TNC: variants seen among roughly 807,000 people sequenced by gnomAD.
TNC encodes the protein tenascin C.
In TNC, 109 loss-of-function variants were observed where a neutral mutation model predicts 202.4. The ratio of observed to expected loss-of-function variants is 0.54; its 90% CI spans 0.46 to 0.63. TNC has a LOEUF of 0.63. Ranked by LOEUF, TNC falls within the 30% of genes least tolerant of loss-of-function variation. The pLI, the probability that TNC is intolerant of heterozygous loss-of-function variation, is 0.00. For missense variants in TNC, 2,756 were observed against 2,833.3 expected (o/e 0.97, Z 0.62); for synonymous variants, 1,007 against 1,089.7 (o/e 0.92, Z 1.50).
chr9:115,057,373 G>A lies in TNC; in HGVS notation c.4359C>T (p.Ser1453=). 6.2e-7 allele frequency: 1 copy of A among 1,613,836 alleles called. No homozygotes were observed. The highest frequency in any genetic ancestry group is 2.2e-5 in the East Asian group (1 of 44,886). The part of the protein sequence containing the change: ...NLNVSDITPE[S]FNLSWMATDG... ...CGGTAGCCATCCAGGAGAGATTGAAGCTCTCGGGAGTTATGTCAGAAACAT... is the reference window on the plus strand; with the variant it reads ...CGGTAGCCATCCAGGAGAGATTGAAACTCTCGGGAGTTATGTCAGAAACAT... Residue 1453 remains serine, a synonymous_variant, in exon 15 of 28, where the codon AGC becomes AGT. Coordinates refer to ENST00000350763, the MANE Select transcript of TNC (RefSeq NM_002160.4).
At chr9:115,049,183 A>G (rs1376702291) in intron 15 of TNC, among the ~76,000 whole-genome samples, 1 of 152,252 alleles carries the variant, frequency 6.6e-6, no homozygotes, top group Non-Finnish European at 1.5e-5. Flanking sequence ...AAACAAGAAC[A>G]CATCTGGGTC....
intron 10 of TNC, among the ~76,000 whole-genome samples, chr9:115,069,451 G>T (rs1159138453): frequency 6.6e-6 from 1 of 151,806 alleles, no homozygotes; most frequent in African/African-American, 2.4e-5. Flanking sequence ...GGAAGGAGAG[G>T]GGAGGAGAAT....
intron 17 of TNC, among the ~76,000 whole-genome samples, chr9:115,045,541 A>ATTTTTTT (rs61415443): frequency 8.2e-5 from 9 of 110,114 alleles, no homozygotes; most frequent in East Asian, 2.7e-4. Context: ...TAAGTTTTTG[A>ATTTTTTT]TTTTTTTTTT....
At chr9:115,051,361 C>T (rs1831638067) in intron 15 of TNC, among the ~76,000 whole-genome samples, 1 of 152,128 alleles carries the variant, frequency 6.6e-6, no homozygotes, top group Non-Finnish European at 1.5e-5. Flanking sequence ...CTAGGTCATA[C>T]ATCTGCTAGG....
At chr9:115,065,180 G>A (rs1464824104) in intron 10 of TNC, among the ~76,000 whole-genome samples, 2 of 152,150 alleles carry the variant, frequency 1.3e-5, no homozygotes, top group African/African-American at 4.8e-5. Flanking sequence ...TGGATCATTT[G>A]AGGTCAGGGG....
rs761991765 is a variant in TNC at position 115,109,648 on chromosome 9, C to A, written c.-137+8334G>T. Among the ~76,000 whole-genome samples the A allele has an allele frequency of 5.3e-5, 8 of 152,314 alleles. No homozygotes were observed. In the South Asian group the frequency reaches 1.2e-3, roughly 24 times the overall value. ...AGCCTCAAATCCCCAGACAGGACTCCTCTGTCCTTGGTACTGGTTTTTCCA... is the reference window on the plus strand; with the variant it reads ...AGCCTCAAATCCCCAGACAGGACTCATCTGTCCTTGGTACTGGTTTTTCCA... On this transcript the variant is annotated intron_variant, in intron 1 of 27. Transcript: ENST00000350763.
Position 115,077,932 on chromosome 9 carries a change from A to C in TNC, c.2674+11T>G. 6.2e-7 allele frequency: 1 copy of C among 1,610,736 alleles called. No individual in the cohort carries two copies. Among genetic ancestry groups the C allele is most frequent in the Non-Finnish European group, 8.5e-7 (1 of 1,177,520 alleles). On this transcript the variant is annotated intron_variant, in intron 7 of 27. Transcript: ENST00000350763. ...CTTTACTATATCTGTTAACAGGGGG[A>C]GGCCTTTTACCTGTTGTGAAGGTCT... is the stretch of plus-strand genomic sequence containing the variant.
chr9:115,060,744 G>A lies in TNC; in HGVS notation c.4034-742C>T, dbSNP rs61554142. 8.0e-3 allele frequency among the ~76,000 whole-genome samples: 1,217 copies of A among 152,240 alleles called. 14 individuals carry two copies. The highest frequency in any genetic ancestry group is 0.028 in the African/African-American group (1,149 of 41,534). On this transcript the variant is annotated intron_variant, in intron 13 of 27. Coordinates refer to ENST00000350763, the MANE Select transcript of TNC (RefSeq NM_002160.4). ...TGCTGTCTCAGGTGTGAACAAGTATGATGTTTTTTCTTTGGTCTTCTATCA... is the reference window on the plus strand; with the variant it reads ...TGCTGTCTCAGGTGTGAACAAGTATAATGTTTTTTCTTTGGTCTTCTATCA...
intron 2 of TNC, among the ~76,000 whole-genome samples, chr9:115,089,700 A>G (rs1835069566): frequency 6.6e-6 from 1 of 152,148 alleles, no homozygotes; most frequent in African/African-American, 2.4e-5. Flanking sequence ...GGGTTTCACC[A>G]TGTTGGCCAG....
rs201449416 is a variant in TNC at position 115,031,638 on chromosome 9, C to G, written c.5835G>C (p.Leu1945=). The change falls in exon 23 of 28, where the codon CTG becomes CTC. Residue 1945 remains leucine, a synonymous_variant. Coordinates refer to ENST00000350763, the MANE Select transcript of TNC (RefSeq NM_002160.4). ...TGGCTGTGTAGTGGGTGGATGGGCT[C>G]AGGTCTGCCAGGCTGTAGGAGGTGG... ...PDTTSYSLAD[L]SPSTHYTAKI... is the part of the protein sequence containing the mutation. 1 of 1,612,322 alleles carries G rather than the reference C, an allele frequency of 6.2e-7. No homozygotes were observed. Among genetic ancestry groups the G allele is most frequent in the Non-Finnish European group, 8.5e-7 (1 of 1,179,268 alleles).
Position 115,105,011 on chromosome 9 carries a change from C to T in TNC, c.-137+12971G>A, listed in dbSNP as rs376549247. 2.0e-4 allele frequency among the ~76,000 whole-genome samples: 30 copies of T among 152,224 alleles called. 5 individuals are homozygous for T. The highest frequency in any genetic ancestry group is 1.8e-3 in the Admixed American group (27 of 15,280). ...ACTAGACAGCTTTGGAAATCTTTCCCGATCCAATGTGCTAATATTCAAATG... is the reference window on the plus strand; with the variant it reads ...ACTAGACAGCTTTGGAAATCTTTCCTGATCCAATGTGCTAATATTCAAATG... On this transcript the variant is annotated intron_variant, in intron 1 of 27. Coordinates refer to ENST00000350763, the MANE Select transcript of TNC (RefSeq NM_002160.4).
At chr9:115,093,591 T>C (rs981162492) in intron 1 of TNC, among the ~76,000 whole-genome samples, 2 of 152,166 alleles carry the variant, frequency 1.3e-5, no homozygotes, top group African/African-American at 4.8e-5. Context: ...AAAGTTCTAC[T>C]TTCCTACCCC....
chr9:115,053,264 T>C (rs944985513), intron 15 of TNC, among the ~76,000 whole-genome samples: 2 of 152,226 alleles, frequency 1.3e-5, no homozygotes, highest in African/African-American at 4.8e-5. Context: ...TTTTAAAGCA[T>C]AAACACCACC....
Position 115,029,308 on chromosome 9 carries a change from C to T in TNC, c.6169+52G>A, listed in dbSNP as rs543994558. 151 of 1,551,014 alleles carry T rather than the reference C, an allele frequency of 9.7e-5. 1 individual carries two copies. In the East Asian group the frequency reaches 2.0e-3, roughly 20 times the overall value. On this transcript the variant is annotated intron_variant, in intron 25 of 27. Transcript: ENST00000350763. ...GGTCCCTGTGGGTTAGGAAAAGTGACAAGGAGGGCAGAATCAGGCATTTTA... is the reference window on the plus strand; with the variant it reads ...GGTCCCTGTGGGTTAGGAAAAGTGATAAGGAGGGCAGAATCAGGCATTTTA...
chr9:115,105,344 C>T (rs555336888), intron 1 of TNC, among the ~76,000 whole-genome samples: 7 of 152,272 alleles, frequency 4.6e-5, no homozygotes, highest in African/African-American at 9.6e-5. Context: ...TTGCATATGT[C>T]GTCTGTGCCA....
intron 1 of TNC, among the ~76,000 whole-genome samples, chr9:115,094,873 G>C (rs542729436): frequency 6.7e-6 from 1 of 149,936 alleles, no homozygotes; most frequent in African/African-American, 2.5e-5. Flanking sequence ...GTGTGTGTGC[G>C]TTTATGTGCT....
chr9:115,044,856 T>G (rs138094728), intron 17 of TNC, among the ~76,000 whole-genome samples: 1 of 152,304 alleles, frequency 6.6e-6, no homozygotes, highest in Non-Finnish European at 1.5e-5. Context: ...TGATTATTAT[T>G]TTTACATGGG....
In TNC at chr9:115,035,529, T is replaced by A. The variant is rs1333286738; in HGVS notation, c.5657-195A>T. 6 of 552,756 alleles carry A rather than the reference T, an allele frequency of 1.1e-5. No individual in the cohort carries two copies. In the South Asian group the frequency reaches 1.5e-4, roughly 13 times the overall value. 34.2% of individuals were successfully genotyped at this position (552,756 alleles called of 1,614,324 possible). ...AAAGACAAATTCTCTATGGTTTATC[T>A]CATCCTAAGGGCTGGATGTTTCTAA... On this transcript the variant is annotated intron_variant, in intron 21 of 27. Coordinates refer to ENST00000350763, the MANE Select transcript of TNC (RefSeq NM_002160.4).
chr9:115,087,905 A>G (rs1050523547), intron 2 of TNC, among the ~76,000 whole-genome samples: 2 of 151,912 alleles, frequency 1.3e-5, no homozygotes, highest in Non-Finnish European at 2.9e-5. Flanking sequence ...GGGTTTCACC[A>G]TGTTAGCCAG....
Sources: gnomAD v4.1 joint callset for allele counts (sites outside exome capture counted in the v4.1 genomes callset) on GRCh38, gnomAD v4.1.1 for gene constraint, MANE v1.5 for transcripts, NCBI Gene and HGNC (gene_info 2026-07-23, HGNC 2026-07-21) for gene names.